The following CEP57 variants were observed in gnomAD, a reference collection of about 807,000 sequenced individuals.
CEP57 encodes centrosomal protein of 57 kDa.
Under a neutral mutation model 68.0 loss-of-function variants are expected in CEP57, and 40 were observed. The observed-to-expected ratio is 0.59, with a 90% confidence interval of 0.46 to 0.77. The LOEUF (loss-of-function observed/expected upper bound fraction) is 0.77, where lower values mean the gene tolerates loss of function less well. Among genes scored for constraint, CEP57 ranks in the 30% least tolerant of loss-of-function variants. CEP57 has a pLI of 0.00. For synonymous variants in CEP57, 219 were observed against 198.7 expected (o/e 1.10, Z -0.86); for missense variants, 606 against 580.7 (o/e 1.04, Z -0.45).
chr11:95,816,477 AAG>A (rs1330528375), intron 4 of CEP57, among the ~76,000 whole-genome samples: 4 of 152,168 alleles, frequency 2.6e-5, no homozygotes, highest in East Asian at 1.9e-4. Context: ...GGGCTGGAGA[AAG>A]GGGTCAGTTT....
intron 4 of CEP57, among the ~76,000 whole-genome samples, chr11:95,816,497 C>A (rs899849433): frequency 6.6e-6 from 1 of 152,120 alleles, no homozygotes; most frequent in Admixed American, 6.5e-5. Flanking sequence ...TTTAATAAGA[C>A]AACTTTAAGA....
At chr11:95,792,972 C>T (rs1027910561) in intron 1 of CEP57, among the ~76,000 whole-genome samples, 1 of 151,884 alleles carries the variant, frequency 6.6e-6, no homozygotes, top group South Asian at 2.1e-4. Context: ...GAACACAACT[C>T]GTATTCAGAT....
intron 2 of CEP57, among the ~76,000 whole-genome samples, chr11:95,810,378 G>T (rs1296600136): frequency 1.3e-5 from 2 of 152,116 alleles, no homozygotes; most frequent in East Asian, 3.8e-4. Context: ...AAGAAATAAA[G>T]GGTATTCAGT....
At chr11:95,795,753 T>C (rs553334672) in intron 1 of CEP57, among the ~76,000 whole-genome samples, 24 of 152,224 alleles carry the variant, frequency 1.6e-4, no homozygotes, top group Non-Finnish European at 3.2e-4. Context: ...ATATTTAGTT[T>C]GGAACTGTTG....
intron 5 of CEP57, 176 bp downstream of exon 5, chr11:95,818,079 T>TG (rs1341124043): frequency 1.5e-5 from 9 of 592,674 alleles, no homozygotes; most frequent in Non-Finnish European, 2.7e-5. Flanking sequence ...TTTACAATCT[T>TG]GGTGGGCATT....
intron 5 of CEP57, 101 bp downstream of exon 5, chr11:95,818,004 C>A: frequency 2.7e-6 from 2 of 752,656 alleles, no homozygotes; most frequent in South Asian, 1.5e-5. Context: ...TAAAAGTGAT[C>A]TTATAATGAA....
At chr11:95,812,827 C>G in intron 2 of CEP57, 105 bp from the exon 3 acceptor site, 1 of 956,796 alleles carries the variant, frequency 1.0e-6, no homozygotes, top group South Asian at 1.3e-5. Flanking sequence ...CTCCACTGGA[C>G]TCATCCATCA....
At position 95,821,996 on chromosome 11, in the gene CEP57, A is replaced by C. The variant is rs1862537305; in HGVS notation, c.807+18A>C. ...CAGAAAAGGTGTGAAGACAGAACCA[A>C]ATCAGGCAAAATGCTGATTACTTGG... is the stretch of plus-strand genomic sequence containing the variant. On this transcript the variant is annotated intron_variant, in intron 7 of 10. Transcript: ENST00000325542. 1.3e-6 allele frequency: 2 copies of C among 1,522,130 alleles called. No homozygotes were observed. The highest frequency in any genetic ancestry group is 1.8e-6 in the Non-Finnish European group (2 of 1,098,030). The allele number at this position is 1,522,130 out of a possible 1,614,324, so 94.3% of individuals were successfully genotyped here.
intron 1 of CEP57, 34 bp from the exon 2 acceptor site, chr11:95,799,198 C>T (rs1178138320): frequency 1.2e-6 from 2 of 1,612,094 alleles, no homozygotes; most frequent in Non-Finnish European, 1.7e-6. Context: ...GTGGTTCACA[C>T]TTTTGAAAGG....
At chr11:95,830,899 G>T in intron 10 of CEP57, 127 bp from the exon 11 acceptor site, 1 of 626,516 alleles carries the variant, frequency 1.6e-6, no homozygotes, top group Non-Finnish European at 2.7e-6. Flanking sequence ...AGAAAGCCTA[G>T]AATGTATTAT....
intron 10 of CEP57, 45 bp from the exon 11 acceptor site, chr11:95,830,981 T>C: frequency 6.8e-7 from 1 of 1,466,396 alleles, no homozygotes; most frequent in Non-Finnish European, 9.5e-7. Context: ...AAAAATATTT[T>C]CATTAAATTC....
chr11:95,792,203 A>C (rs538270163), intron 1 of CEP57, among the ~76,000 whole-genome samples: 1 of 152,214 alleles, frequency 6.6e-6, no homozygotes, highest in South Asian at 2.1e-4. Context: ...TAAAAGAAAA[A>C]AGTAAAAAAC....
intron 4 of CEP57, 41 bp from the exon 5 acceptor site, chr11:95,817,746 G>GACA (rs1258924406): frequency 1.5e-6 from 2 of 1,355,520 alleles, no homozygotes; most frequent in South Asian, 1.2e-5. Flanking sequence ...TCTCTTTTTT[G>GACA]ATTGTCAAAT....
intron 2 of CEP57, among the ~76,000 whole-genome samples, chr11:95,811,470 A>T (rs1417174671): frequency 6.6e-6 from 1 of 151,360 alleles, no homozygotes; most frequent in African/African-American, 2.4e-5. Context: ...TAGAAGATAT[A>T]CCTAATGTAA....
intron 1 of CEP57, among the ~76,000 whole-genome samples, chr11:95,792,261 A>AT (rs1861119068): frequency 6.6e-6 from 1 of 152,214 alleles, no homozygotes; most frequent in African/African-American, 2.4e-5. Flanking sequence ...AGATGTGATT[A>AT]AACTTGGGAG....
Position 95,822,906 on chromosome 11 carries a change from C to T in CEP57, c.885+330C>T, listed in dbSNP as rs181030389. On this transcript the variant is annotated intron_variant, in intron 8 of 10. Transcript: ENST00000325542. ...TAGCATTGGATTTTTAGTATCAATC[C>T]TGTTGAGTTACATTTAGATATAGGT... 4.3e-5 allele frequency: 14 copies of T among 327,546 alleles called. No individual in the cohort carries two copies. In the East Asian group the frequency reaches 8.9e-4, roughly 21 times the overall value. The allele number at this position is 327,546 out of a possible 1,614,324, so 20.3% of individuals were successfully genotyped here. A position where few individuals can be genotyped will look rare whatever the true frequency, so the allele number is the denominator to read the frequency against.
chr11:95,794,511 G>A (rs1861249087), intron 1 of CEP57, among the ~76,000 whole-genome samples: 1 of 151,984 alleles, frequency 6.6e-6, no homozygotes, highest in Admixed American at 6.6e-5. Context: ...CCTATTTTCT[G>A]ATTTGTGCAC....
chr11:95,825,037 A>G (rs1862679716), intron 8 of CEP57, among the ~76,000 whole-genome samples: 1 of 152,332 alleles, frequency 6.6e-6, no homozygotes, highest in South Asian at 2.1e-4. Context: ...GGAGCATGGA[A>G]GTTCAACACC....
chr11:95,799,243 T>C lies in CEP57; in HGVS notation c.57T>C (p.Ala19=). 2 of 1,614,140 alleles carry C rather than the reference T, an allele frequency of 1.2e-6. No homozygotes were observed. Among genetic ancestry groups the C allele is most frequent in the Non-Finnish European group, 1.7e-6 (2 of 1,179,990 alleles). The change falls in exon 2 of 11, where the codon GCT becomes GCC. Residue 19 remains alanine, a synonymous_variant. Transcript: ENST00000325542. The part of the protein sequence containing the change: ...ASGSHLSNSF[A]EPSRSNGSMV... Reference sequence around the variant, plus strand: ...TCTTTATTTTTTAGAACAGCTTTGCTGAGCCATCAAGGTCTAATGGAAGCA... The same window carrying C: ...TCTTTATTTTTTAGAACAGCTTTGCCGAGCCATCAAGGTCTAATGGAAGCA...
Sources: allele counts gnomAD v4.1 joint callset (sites outside exome capture counted in the v4.1 genomes callset), GRCh38; gene constraint gnomAD v4.1.1; transcripts MANE v1.5; gene names NCBI Gene and HGNC (gene_info 2026-07-23, HGNC 2026-07-21).